Variants in LRRC7 observed in about 807,000 individuals in gnomAD.
The protein encoded by LRRC7 is leucine rich repeat containing 7.
Under a neutral mutation model 175.7 loss-of-function variants are expected in LRRC7, and 23 were observed. The observed-to-expected ratio is 0.13, with a 90% CI of 0.09 to 0.19. The LOEUF is 0.19. LRRC7 is among the 10% of genes least tolerant of loss of function. The probability of loss-of-function intolerance (pLI) is 1.00; values close to 1 mark genes in which losing one functional copy is unlikely to be tolerated. For missense variants in LRRC7, 1,354 were observed against 1,904.7 expected (o/e 0.71, Z 5.38); for synonymous variants, 685 against 680.9 (o/e 1.01, Z -0.09).
intron 2 of LRRC7, among the ~76,000 whole-genome samples, chr1:69,707,435 A>T (rs1348281697): frequency 6.6e-6 from 1 of 152,098 alleles, no homozygotes; most frequent in East Asian, 1.9e-4. Context: ...CCAGATTGGT[A>T]ATCTGCTTTA....
intron 2 of LRRC7, among the ~76,000 whole-genome samples, chr1:69,720,607 T>C (rs1314806232): frequency 7.5e-6 from 1 of 133,196 alleles, no homozygotes; most frequent in Non-Finnish European, 1.6e-5. Flanking sequence ...CTTTTAGTGC[T>C]GGTATCCTGG....
At position 69,638,140 on chromosome 1, in the gene LRRC7, A is replaced by G. The variant is rs528861210; in HGVS notation, c.3-40241A>G. On this transcript the variant is annotated intron_variant, in intron 1 of 26. Transcript: ENST00000651989. ...TATTTTGTTTGTTCTCAATTTTAAT[A>G]TAAAGATGGGAAAGTATGCACTGTC... Among the ~76,000 whole-genome samples the G allele has an allele frequency of 2.0e-5, 3 of 152,052 alleles. No individual in the cohort carries two copies. In the South Asian group the frequency reaches 6.2e-4, roughly 32 times the overall value.
chr1:69,821,886 C>T (rs555515162), intron 4 of LRRC7, among the ~76,000 whole-genome samples: 1 of 151,116 alleles, frequency 6.6e-6, no homozygotes, highest in East Asian at 1.9e-4. Context: ...CAGAGCGAGA[C>T]TCTGTCAAAA....
rs1263391333 is a variant in LRRC7, at chr1:70,143,805, G to GAT, written c.*21920_*21921dup. On this transcript the variant is annotated 3_prime_UTR_variant, in exon 27 of 27. Coordinates refer to ENST00000651989, the MANE Select transcript of LRRC7 (RefSeq NM_001370785.2). ...GGCTGTATTGTAATTAATATTTTGA[G>GAT]ATAATTGTGATTTTGAGCTTAAATT... The GAT allele has an allele frequency of 6.6e-6, 1 of 152,042 alleles. No individual in the cohort carries two copies. The highest frequency in any genetic ancestry group is 1.5e-5 in the Non-Finnish European group (1 of 67,998). The allele number at this position is 152,042 out of a possible 1,614,324, so 9.4% of individuals were successfully genotyped here.
At chr1:70,119,421 A>G (rs952471645) in intron 26 of LRRC7, among the ~76,000 whole-genome samples, 2 of 152,026 alleles carry the variant, frequency 1.3e-5, no homozygotes, top group African/African-American at 4.8e-5. Context: ...CTGAATGGCT[A>G]CTTTTTGATT....
chr1:69,801,659 G>A (rs1346555181), intron 4 of LRRC7, among the ~76,000 whole-genome samples: 1 of 151,344 alleles, frequency 6.6e-6, no homozygotes, highest in East Asian at 1.9e-4. Flanking sequence ...ATCTTTTAAA[G>A]TACCAACTTT....
intron 10 of LRRC7, among the ~76,000 whole-genome samples, chr1:69,990,007 G>A (rs961520418): frequency 2.6e-5 from 4 of 152,002 alleles, no homozygotes; most frequent in African/African-American, 9.7e-5. Flanking sequence ...CAGGCAGATT[G>A]GATTTCTATA....
intron 25 of LRRC7, among the ~76,000 whole-genome samples, chr1:70,099,687 T>C (rs1211224570): frequency 3.3e-5 from 5 of 152,190 alleles, no homozygotes; most frequent in Non-Finnish European, 7.3e-5. Context: ...TTATCAATAC[T>C]ATTTTAAGAA....
chr1:70,110,498 G>A (rs1665455639), intron 26 of LRRC7, among the ~76,000 whole-genome samples: 2 of 152,188 alleles, frequency 1.3e-5, no homozygotes, highest in Non-Finnish European at 2.9e-5. Flanking sequence ...TGAGGGTTCA[G>A]TATTTCTAAT....
At chr1:69,627,006 C>T (rs28842802) in intron 1 of LRRC7, among the ~76,000 whole-genome samples, 22,715 of 151,954 alleles carry the variant, frequency 0.15, 2,047 homozygotes, top group East Asian at 0.22. Flanking sequence ...CAAGTCTTTG[C>T]TATTGTGAAT....
At chr1:69,666,610 C>T (rs954186286) in intron 1 of LRRC7, among the ~76,000 whole-genome samples, 6 of 151,884 alleles carry the variant, frequency 4.0e-5, no homozygotes, top group Admixed American at 3.9e-4. Context: ...CATATACTTG[C>T]TCATAGTAAC....
chr1:70,004,865 T>C (rs1390381478), intron 11 of LRRC7, among the ~76,000 whole-genome samples: 1 of 152,086 alleles, frequency 6.6e-6, no homozygotes, highest in African/African-American at 2.4e-5. Context: ...ACAATAATAG[T>C]TTTTCAGAGT....
In LRRC7 at chr1:70,028,178, T is replaced by C. The variant is rs1658325053; in HGVS notation, c.1802T>C (p.Ile601Thr). Residue 601 changes from isoleucine to threonine, a missense_variant, in exon 18 of 27, where the codon ATA becomes ACA. This residue lies in a region of LRRC7 where 1,032 missense variants were observed against 1,227.2 expected (regional missense o/e 0.84). Coordinates refer to ENST00000651989, the MANE Select transcript of LRRC7 (RefSeq NM_001370785.2). ...CTTTTTGTAAACTTCTAGGTTGAAATAAACCTAAAACGATATCCAACTCCT... is the reference window on the plus strand; with the variant it reads ...CTTTTTGTAAACTTCTAGGTTGAAACAAACCTAAAACGATATCCAACTCCT... ...LPSLSGRQVE[I>T]NLKRYPTPYP... 2.5e-6 allele frequency: 4 copies of C among 1,612,110 alleles called. No individual in the cohort carries two copies. Among genetic ancestry groups the C allele is most frequent in the Non-Finnish European group, 3.4e-6 (4 of 1,178,932 alleles).
intron 7 of LRRC7, among the ~76,000 whole-genome samples, chr1:69,858,529 TCTTTTTCCTTTCTTGTTTCG>T (rs1683989401): frequency 1.3e-5 from 2 of 151,892 alleles, no homozygotes; most frequent in African/African-American, 4.8e-5. Context: ...GGTCTCTTTC[TCTTTTTCCTTTCTTGTTTCG>T]CTTTTTCCTT....
intron 2 of LRRC7, among the ~76,000 whole-genome samples, chr1:69,711,183 G>A (rs1664709711): frequency 6.6e-6 from 1 of 152,188 alleles, no homozygotes; most frequent in South Asian, 2.1e-4. Flanking sequence ...TGGCTGTGGT[G>A]TAATTTTTCC....
At chr1:69,790,202 C>T (rs980916204) in intron 3 of LRRC7, among the ~76,000 whole-genome samples, 15 of 151,958 alleles carry the variant, frequency 9.9e-5, no homozygotes, top group African/African-American at 3.1e-4. Flanking sequence ...CTGATGAGTT[C>T]AAAGATATTA....
intron 4 of LRRC7, among the ~76,000 whole-genome samples, chr1:69,815,045 C>G (rs576297665): frequency 1.9e-4 from 29 of 152,130 alleles, no homozygotes; most frequent in African/African-American, 6.8e-4. Flanking sequence ...TGTTCTTTCA[C>G]TTATAGCTCA....
intron 24 of LRRC7, among the ~76,000 whole-genome samples, chr1:70,076,674 G>T (rs1038709580): frequency 6.6e-6 from 1 of 152,182 alleles, no homozygotes; most frequent in Non-Finnish European, 1.5e-5. Context: ...AACCTTCAGT[G>T]TGAAAGTAAA....
chr1:69,910,658 T>C (rs574028915), intron 7 of LRRC7, among the ~76,000 whole-genome samples: 1 of 152,304 alleles, frequency 6.6e-6, no homozygotes, highest in South Asian at 2.1e-4. Context: ...AAGGACCTGC[T>C]TCAGGAGGCA....
Sources: allele counts gnomAD v4.1 joint callset (sites outside exome capture counted in the v4.1 genomes callset), GRCh38; gene constraint gnomAD v4.1.1; regional missense constraint gnomAD v4.1.1; transcripts MANE v1.5; gene names NCBI Gene and HGNC (gene_info 2026-07-23, HGNC 2026-07-21).